ABCC10: variants seen among roughly 807,000 people sequenced by gnomAD.
ABCC10 encodes ATP binding cassette subfamily C member 10.
A neutral mutation model predicts 143.2 loss-of-function variants in ABCC10; 110 were observed. The ratio of observed to expected loss-of-function variants is 0.77; its 90% CI spans 0.66 to 0.90. ABCC10 has a LOEUF of 0.90. Ranked by LOEUF, ABCC10 falls within the 40% of genes least tolerant of loss-of-function variation. ABCC10 has a pLI of 0.00. For missense variants in ABCC10, 1,700 were observed against 1,900.5 expected (o/e 0.89, Z 1.96); for synonymous variants, 805 against 846.7 (o/e 0.95, Z 0.85).
chr6:43,428,848 A>G (rs1424352059), intron 2 of ABCC10, among the ~76,000 whole-genome samples: 2 of 151,762 alleles, frequency 1.3e-5, no homozygotes, highest in Non-Finnish European at 2.9e-5. Context: ...TTGCTTTCTC[A>G]TTAGACTGAG....
At chr6:43,440,380 A>C (rs1475174896) in intron 8 of ABCC10, among the ~76,000 whole-genome samples, 9 of 152,202 alleles carry the variant, frequency 5.9e-5, no homozygotes, top group Admixed American at 5.9e-4. Context: ...GATCCACTAG[A>C]TGGTGAGTCC....
At position 43,447,857 on chromosome 6, in the gene ABCC10, C is replaced by A. The variant is rs1294016402; in HGVS notation, c.3879C>A (p.Leu1293=). Residue 1293 remains leucine, a synonymous_variant, in exon 18 of 22, where the codon CTC becomes CTA. Transcript: ENST00000372530. ...GSGKSSLLLV[L]FRLLEPSSGR... ...GCAAGTCTTCCCTGTTGTTGGTGCT[C>A]TTCCGGCTGCTAGAGCCCAGTTCAG... 1 of 1,613,918 alleles carries A rather than the reference C, an allele frequency of 6.2e-7. No homozygotes were observed. The highest frequency in any genetic ancestry group is 2.2e-5 in the East Asian group (1 of 44,890).
Position 43,427,680 on chromosome 6 carries a change from G to T in ABCC10, c.-89G>T. The T allele has an allele frequency of 1.9e-6, 1 of 516,778 alleles. No individual in the cohort carries two copies. Among genetic ancestry groups the T allele is most frequent in the South Asian group, 2.0e-5 (1 of 49,316 alleles). The allele number at this position is 516,778 out of a possible 1,614,324, so 32.0% of individuals were successfully genotyped here. ...CCAGTTCTCAGGATATCGGAATCCG[G>T]TGCACAGCAGCTTCTTCAGGTTTGA... On this transcript the variant is annotated 5_prime_UTR_variant, in exon 1 of 22. Transcript: ENST00000372530.
chr6:43,443,731 T>C lies in ABCC10; in HGVS notation c.2417-202T>C. The C allele has an allele frequency of 1.8e-6, 1 of 564,972 alleles. No homozygotes were observed. The allele number at this position is 564,972 out of a possible 1,614,324, so 35.0% of individuals were successfully genotyped here. On this transcript the variant is annotated intron_variant, in intron 10 of 21. Coordinates refer to ENST00000372530, the MANE Select transcript of ABCC10 (RefSeq NM_001198934.2). The surrounding 1 kb of genome is among the most constrained non-coding windows in gnomAD (Gnocchi z 4.2). ...GGTTTACAAGGATGGACTTGAGTCC[T>C]GCTCGAGGTCTAGGGGTATCCAGAG...
intron 11 of ABCC10, 60 bp downstream of exon 11, chr6:43,444,070 TCTA>T: frequency 1.2e-6 from 2 of 1,609,442 alleles, no homozygotes; most frequent in Non-Finnish European, 1.7e-6. Flanking sequence ...TAGAGCTTTT[TCTA>T]CAACGGCTGC....
At chr6:43,438,116 G>A in intron 7 of ABCC10, 103 bp downstream of exon 7, 1 of 1,283,828 alleles carries the variant, frequency 7.8e-7, no homozygotes, top group South Asian at 1.3e-5. Context: ...GTACTAAGAA[G>A]AGCAACGCAT....
At chr6:43,434,414 G>A in intron 3 of ABCC10, 1 of 535,020 alleles carries the variant, frequency 1.9e-6, no homozygotes, top group Non-Finnish European at 3.3e-6. Context: ...AGACTGGGAG[G>A]GGAAGCAACC....
At chr6:43,431,663 G>A (rs1781144583) in intron 2 of ABCC10, 1 of 408,950 alleles carries the variant, frequency 2.4e-6, no homozygotes, top group African/African-American at 2.2e-5. Context: ...CGCCCAGCCT[G>A]GATTTTTTTT....
intron 4 of ABCC10, 38 bp downstream of exon 4, chr6:43,434,886 A>C (rs754263200): frequency 6.3e-7 from 1 of 1,596,150 alleles, no homozygotes; most frequent in South Asian, 1.1e-5. Context: ...CATCAAGGAG[A>C]CTTCAGCGAA....
In ABCC10 at chr6:43,447,791, G is replaced by A. The variant is rs775961016; in HGVS notation, c.3813G>A (p.Gln1271=). Residue 1271 remains glutamine, a synonymous_variant, in exon 18 of 22, where the codon CAG becomes CAA. Transcript: ENST00000372530. ...TGGATGGAGTGACCTTCTGCGTGCA[G>A]CCTGGAGAGAAGTTGGGCATCGTGG... The part of the protein sequence containing the change: ...NALDGVTFCV[Q]PGEKLGIVGR... The A allele has an allele frequency of 6.2e-7, 1 of 1,613,632 alleles. No homozygotes were observed. Among genetic ancestry groups the A allele is most frequent in the Admixed American group, 1.7e-5 (1 of 60,030 alleles).
chr6:43,447,518 C>A, intron 17 of ABCC10, 110 bp downstream of exon 17: 1 of 1,554,660 alleles, frequency 6.4e-7, no homozygotes, highest in Non-Finnish European at 8.7e-7. Context: ...CCCATAACCT[C>A]TCTTCATGAT....
At position 43,432,619 on chromosome 6, in the gene ABCC10, G is replaced by A. The variant is rs777252103; in HGVS notation, c.639G>A (p.Val213=). 1.2e-6 allele frequency: 2 copies of A among 1,613,914 alleles called. No homozygotes were observed. Among genetic ancestry groups the A allele is most frequent in the South Asian group, 2.2e-5 (2 of 91,080 alleles). The change falls in exon 3 of 22, where the codon GTG becomes GTA. Residue 213 remains valine (V), a synonymous_variant. Transcript: ENST00000372530. ...PLLPEDQEPE[V]AEDGESWLSR... The stretch of plus-strand genomic sequence containing the variant: ...TGCCCGAGGATCAAGAACCTGAGGT[G>A]GCTGAAGATGGGGAGAGTTGGCTGT...
At position 43,427,634 on chromosome 6, in the gene ABCC10, C is replaced by CTT. The variant is rs79196551; in HGVS notation, c.-123_-122dup. ...GGCCCAGCACCCCGGCCGGGCAGTA[C>CTT]TTTTTTTTTTTTTGCATACACCAGT... On this transcript the variant is annotated 5_prime_UTR_variant, in exon 1 of 22. Coordinates refer to ENST00000372530, the MANE Select transcript of ABCC10 (RefSeq NM_001198934.2). 3.8e-4 allele frequency: 119 copies of CTT among 314,790 alleles called. No homozygotes were observed. The highest frequency in any genetic ancestry group is 5.3e-4 in the South Asian group (18 of 34,012). The allele number at this position is 314,790 out of a possible 1,614,324, so 19.5% of individuals were successfully genotyped here.
intron 8 of ABCC10, 39 bp from the exon 9 acceptor site, chr6:43,441,823 T>C: frequency 1.3e-6 from 2 of 1,549,046 alleles, no homozygotes; most frequent in Non-Finnish European, 1.8e-6. Context: ...CAGAAGGTAA[T>C]GGGAGCTCCC....
intron 16 of ABCC10, 105 bp from the exon 17 acceptor site, chr6:43,447,143 G>C: frequency 1.4e-6 from 2 of 1,419,776 alleles, no homozygotes; most frequent in Non-Finnish European, 1.9e-6. Context: ...ACCGCGCCCA[G>C]CCTCTGTTGC....
intron 5 of ABCC10, 41 bp from the exon 6 acceptor site, chr6:43,436,097 T>C (rs1781674831): frequency 6.2e-7 from 1 of 1,613,730 alleles, no homozygotes; most frequent in African/African-American, 1.3e-5. Context: ...AAACAGATTG[T>C]GGTAGATTAG....
intron 4 of ABCC10, among the ~76,000 whole-genome samples, 165 bp from the exon 5 acceptor site, chr6:43,435,586 C>T (rs540242294): frequency 6.6e-6 from 1 of 152,244 alleles, no homozygotes; most frequent in South Asian, 2.1e-4. Context: ...TTCTAGGATT[C>T]TTTAAGTGAC....
At chr6:43,450,721 T>C (rs1276366173), downstream of ABCC10, 1 of 1,613,956 alleles carries the variant, frequency 6.2e-7, no homozygotes, top group African/African-American at 1.3e-5. This position sits in a 1 kb window ranked among gnomAD's most constrained non-coding sequence, Gnocchi z 4.5. Context: ...AGCAACACAG[T>C]AGCCAGAACC....
rs537274471 is a variant in ABCC10 at position 43,445,711 on chromosome 6, C to G, written c.3143C>G (p.Ala1048Gly). ...CCCTTCATCCTCAACATCCTCCTGG[C>G]CAACGCGGCAGGCCTGCTGGGGCTC... ...SLPFILNILL[A>G]NAAGLLGLLA... Residue 1048 changes from alanine (A) to glycine (G), a missense_variant, in exon 15 of 22, where the codon GCC becomes GGC. Coordinates refer to ENST00000372530, the MANE Select transcript of ABCC10 (RefSeq NM_001198934.2). 7 of 1,614,218 alleles carry G rather than the reference C, an allele frequency of 4.3e-6. No individual in the cohort carries two copies. In the South Asian group the frequency reaches 7.7e-5, roughly 18 times the overall value.
Sources: allele counts gnomAD v4.1 joint callset (sites outside exome capture counted in the v4.1 genomes callset), GRCh38; gene constraint gnomAD v4.1.1; non-coding constraint Gnocchi (gnomAD v3.1); transcripts MANE v1.5; gene names NCBI Gene and HGNC (gene_info 2026-07-23, HGNC 2026-07-21).